Variants in CLVS1 observed in about 807,000 individuals in gnomAD.
The protein encoded by CLVS1 is clavesin 1.
In CLVS1, 10 loss-of-function variants were observed where a neutral mutation model predicts 33.1. The observed-to-expected ratio is 0.30, with a 90% CI of 0.19 to 0.51. The LOEUF (loss-of-function observed/expected upper bound fraction) is 0.51. Ranked by LOEUF, CLVS1 falls within the 20% of genes least tolerant of loss-of-function variation. The pLI, the probability that CLVS1 is intolerant of heterozygous loss-of-function variation, is 0.97. For synonymous variants in CLVS1, 163 were observed against 166.1 expected (o/e 0.98, Z 0.14); for missense variants, 343 against 433.4 (o/e 0.79, Z 1.85).
At chr8:61,222,633 G>A (rs1051737657) in intron 2 of CLVS1, among the ~76,000 whole-genome samples, 1 of 152,142 alleles carries the variant, frequency 6.6e-6, no homozygotes, top group African/African-American at 2.4e-5. Flanking sequence ...CATGTGGCAT[G>A]GAGAAGAATG....
At chr8:61,171,926 A>G (rs1228301976) in intron 2 of CLVS1, among the ~76,000 whole-genome samples, 1 of 152,194 alleles carries the variant, frequency 6.6e-6, no homozygotes, top group Non-Finnish European at 1.5e-5. Context: ...TTGGTGCAAG[A>G]CATAGATTCT....
intron 2 of CLVS1, among the ~76,000 whole-genome samples, chr8:61,247,705 G>T (rs926731133): frequency 1.3e-5 from 2 of 152,206 alleles, no homozygotes; most frequent in Non-Finnish European, 2.9e-5. Flanking sequence ...ACCTTTGTCA[G>T]ATGCATAGTT....
intron 2 of CLVS1, among the ~76,000 whole-genome samples, chr8:61,336,420 G>A (rs978343471): frequency 2.6e-5 from 4 of 152,170 alleles, no homozygotes; most frequent in African/African-American, 9.7e-5. Flanking sequence ...ACTGCAGCCT[G>A]GCAGTGTTTC....
intron 2 of CLVS1, among the ~76,000 whole-genome samples, chr8:61,182,656 G>T (rs894398509): frequency 6.6e-6 from 1 of 152,148 alleles, no homozygotes; most frequent in Non-Finnish European, 1.5e-5. Flanking sequence ...TCACAATGAC[G>T]ATTATTAAAA....
intron 1 of CLVS1, among the ~76,000 whole-genome samples, chr8:61,131,253 A>C (rs764338605): frequency 1.3e-5 from 2 of 152,216 alleles, no homozygotes; most frequent in Non-Finnish European, 2.9e-5. Context: ...TATGCATTTT[A>C]GGAATGAGGA....
At chr8:61,443,445 GT>G (rs1816642501) in intron 3 of CLVS1, among the ~76,000 whole-genome samples, 1 of 151,790 alleles carries the variant, frequency 6.6e-6, no homozygotes, top group Non-Finnish European at 1.5e-5. Flanking sequence ...GTATTTTTTT[GT>G]TTTTTGTTTT....
chr8:61,168,781 C>G (rs1387378018), intron 2 of CLVS1, among the ~76,000 whole-genome samples: 1 of 152,134 alleles, frequency 6.6e-6, no homozygotes, highest in Non-Finnish European at 1.5e-5. Flanking sequence ...ATATTGACAG[C>G]CTTTATGACA....
intron 5 of CLVS1, among the ~76,000 whole-genome samples, chr8:61,477,141 T>C (rs563944256): frequency 1.3e-5 from 2 of 152,368 alleles, no homozygotes; most frequent in East Asian, 3.9e-4. Flanking sequence ...ATCCCACGGA[T>C]GAAGCACACT....
chr8:60,971,020 A>G, the CLVS1 span, among the ~76,000 whole-genome samples: 1 of 147,542 alleles, frequency 6.8e-6, no homozygotes, highest in African/African-American at 2.5e-5. Context: ...ATTATATTTT[A>G]AATGTCTAAC....
intron 2 of CLVS1, among the ~76,000 whole-genome samples, chr8:61,276,751 TCTTA>T (rs1312397558): frequency 2.6e-5 from 4 of 152,214 alleles, no homozygotes; most frequent in Non-Finnish European, 5.9e-5. Flanking sequence ...TTATGAAAAA[TCTTA>T]CTTTTTTGTT....
intron 5 of CLVS1, among the ~76,000 whole-genome samples, chr8:61,495,802 A>C (rs72657078): frequency 6.6e-6 from 1 of 152,304 alleles, no homozygotes; most frequent in Non-Finnish European, 1.5e-5. Context: ...AAAGTGAAGC[A>C]ATTATTTTAT....
chr8:61,003,330 A>C, the CLVS1 span, among the ~76,000 whole-genome samples: 8 of 152,196 alleles, frequency 5.3e-5, no homozygotes, highest in African/African-American at 1.9e-4. Context: ...AGTAAGGGTT[A>C]CTGTGATTTT....
intron 3 of CLVS1, among the ~76,000 whole-genome samples, chr8:61,428,691 T>G (rs183907414): frequency 7.2e-5 from 11 of 152,314 alleles, no homozygotes; most frequent in Admixed American, 7.2e-4. Context: ...CAACCCCCAT[T>G]ATATGCCAGG....
intron 5 of CLVS1, among the ~76,000 whole-genome samples, chr8:61,458,834 A>C (rs950713967): frequency 5.9e-5 from 9 of 152,310 alleles, no homozygotes; most frequent in African/African-American, 2.2e-4. Context: ...ACAGAATAAA[A>C]TGTTGGACCT....
intron 1 of CLVS1, among the ~76,000 whole-genome samples, chr8:61,083,963 A>G (rs1022856406): frequency 6.6e-6 from 1 of 152,176 alleles, no homozygotes; most frequent in Non-Finnish European, 1.5e-5. Flanking sequence ...AACATCTTAC[A>G]AGTTCCCAGC....
chr8:61,005,763 A>G, the CLVS1 span, among the ~76,000 whole-genome samples: 1 of 152,306 alleles, frequency 6.6e-6, no homozygotes, highest in Non-Finnish European at 1.5e-5. Flanking sequence ...TGCATCTGAC[A>G]TGGCAATAGG....
At chr8:61,190,634 A>G (rs1312765875) in intron 2 of CLVS1, among the ~76,000 whole-genome samples, 1 of 152,206 alleles carries the variant, frequency 6.6e-6, no homozygotes, top group African/African-American at 2.4e-5. Context: ...TAGCAAGACT[A>G]TTAAAGAAGA....
intron 2 of CLVS1, among the ~76,000 whole-genome samples, chr8:61,145,902 A>C (rs1806406378): frequency 6.6e-6 from 1 of 152,236 alleles, no homozygotes; most frequent in South Asian, 2.1e-4. Flanking sequence ...GTTCTGGGTG[A>C]GGAAACGGAG....
chr8:61,296,761 A>C (rs1463717485), intron 1 of CLVS1, among the ~76,000 whole-genome samples: 1 of 152,324 alleles, frequency 6.6e-6, no homozygotes, highest in East Asian at 1.9e-4. Context: ...TTTACTGAGC[A>C]TCTACTTCAT....
Sources: allele counts gnomAD v4.1 joint callset (sites outside exome capture counted in the v4.1 genomes callset), GRCh38; gene constraint gnomAD v4.1.1; transcripts MANE v1.5; gene names NCBI Gene and HGNC (gene_info 2026-07-23, HGNC 2026-07-21).